RPA3: variants seen among roughly 807,000 people sequenced by gnomAD.
RPA3 encodes replication protein A3, also known as replication protein A 14 kDa subunit.
In RPA3, 24 loss-of-function variants were observed where a neutral mutation model predicts 13.7. The observed-to-expected ratio is 1.75, with a 90% CI of 1.27 to 2.46. The LOEUF is 2.46. RPA3 is among the 30% of genes most tolerant of loss of function. The pLI, the probability that RPA3 is intolerant of heterozygous loss-of-function variation, is 0.00. For missense variants in RPA3, 183 were observed against 151.0 expected (o/e 1.21, Z -1.11); for synonymous variants, 59 against 51.2 (o/e 1.15, Z -0.65).
intron 2 of RPA3, among the ~76,000 whole-genome samples, chr7:7,712,323 A>G (rs905287183): frequency 1.3e-5 from 2 of 152,112 alleles, no homozygotes; most frequent in South Asian, 2.1e-4. Flanking sequence ...TATATTTACA[A>G]TATTTAGTCT....
chr7:7,710,952 G>A (rs1301960743), intron 2 of RPA3, among the ~76,000 whole-genome samples: 1 of 152,176 alleles, frequency 6.6e-6, no homozygotes, highest in African/African-American at 2.4e-5. Flanking sequence ...GTAACGTACT[G>A]TATGACTTCA....
intron 4 of RPA3, among the ~76,000 whole-genome samples, chr7:7,683,413 G>A (rs1291541897): frequency 1.3e-5 from 2 of 152,042 alleles, no homozygotes; most frequent in African/African-American, 2.4e-5. Context: ...TCTAATAATT[G>A]TATGTCATCA....
At chr7:7,687,605 T>C (rs1428363634) in intron 2 of RPA3, among the ~76,000 whole-genome samples, 1 of 152,184 alleles carries the variant, frequency 6.6e-6, no homozygotes, top group Non-Finnish European at 1.5e-5. Context: ...CTGAAGTGTT[T>C]AAAGTGTGCA....
At chr7:7,668,111 G>C (rs1189318686) in intron 4 of RPA3, among the ~76,000 whole-genome samples, 1 of 151,560 alleles carries the variant, frequency 6.6e-6, no homozygotes, top group African/African-American at 2.4e-5. Flanking sequence ...ACACGATTTC[G>C]TCATGTTGCC....
intron 4 of RPA3, among the ~76,000 whole-genome samples, chr7:7,682,278 A>G (rs923963007): frequency 6.6e-6 from 1 of 152,154 alleles, no homozygotes; most frequent in Non-Finnish European, 1.5e-5. Flanking sequence ...AATACTTAAA[A>G]CACATTGAAA....
At chr7:7,688,617 G>A (rs1344664042) in intron 2 of RPA3, among the ~76,000 whole-genome samples, 1 of 152,126 alleles carries the variant, frequency 6.6e-6, no homozygotes, top group Non-Finnish European at 1.5e-5. Context: ...TTGATCTCAT[G>A]TTGTAAATCT....
At chr7:7,709,489 T>C (rs1281890156) in intron 2 of RPA3, among the ~76,000 whole-genome samples, 2 of 152,156 alleles carry the variant, frequency 1.3e-5, no homozygotes, top group African/African-American at 4.8e-5. Context: ...CAGAAGGAAC[T>C]GTGTGGAGAG....
chr7:7,677,826 A>G (rs1691810029), intron 4 of RPA3, among the ~76,000 whole-genome samples: 1 of 150,706 alleles, frequency 6.6e-6, no homozygotes, highest in South Asian at 2.1e-4. Flanking sequence ...GGCGCCCGCC[A>G]CTACGCCCGG....
At chr7:7,647,547 C>T (rs1209540716) in intron 4 of RPA3, among the ~76,000 whole-genome samples, 3 of 152,178 alleles carry the variant, frequency 2.0e-5, no homozygotes, top group African/African-American at 7.2e-5. Flanking sequence ...AAATATGTGA[C>T]ATAGCCTATA....
chr7:7,698,870 CT>C (rs57968079), intron 2 of RPA3, among the ~76,000 whole-genome samples: 3,072 of 131,908 alleles, frequency 0.023, 81 homozygotes, highest in African/African-American at 0.078. Flanking sequence ...ACCCTCTTGT[CT>C]TTTTTTTTTT....
chr7:7,675,937 G>A (rs902786885), intron 4 of RPA3, among the ~76,000 whole-genome samples: 1 of 152,158 alleles, frequency 6.6e-6, no homozygotes, highest in African/African-American at 2.4e-5. Flanking sequence ...CAGGTGCAAA[G>A]CTCCACCCCT....
At chr7:7,688,397 T>G (rs1489285396) in intron 2 of RPA3, among the ~76,000 whole-genome samples, 1 of 152,182 alleles carries the variant, frequency 6.6e-6, no homozygotes, top group Non-Finnish European at 1.5e-5. Context: ...AAAGGAAAAC[T>G]TACTTATAAT....
At chr7:7,678,368 T>G (rs1026013450) in intron 4 of RPA3, among the ~76,000 whole-genome samples, 2 of 148,930 alleles carry the variant, frequency 1.3e-5, no homozygotes, top group African/African-American at 4.9e-5. Flanking sequence ...ATATGCCTAT[T>G]GGTCATTTTG....
At chr7:7,676,054 T>G in intron 4 of RPA3, 1 of 398,566 alleles carries the variant, frequency 2.5e-6, no homozygotes. Flanking sequence ...TTACTTCCTC[T>G]GTCTTCGTTC....
intron 1 of RPA3, among the ~76,000 whole-genome samples, chr7:7,717,218 A>G (rs1013727147): frequency 6.6e-6 from 1 of 151,782 alleles, no homozygotes; most frequent in Non-Finnish European, 1.5e-5. Context: ...CACCACGCCC[A>G]GCTAATTTTC....
chr7:7,664,586 C>G (rs1183060416), intron 4 of RPA3, among the ~76,000 whole-genome samples: 4 of 152,180 alleles, frequency 2.6e-5, no homozygotes, highest in South Asian at 2.1e-4. Flanking sequence ...TCTATACCCA[C>G]TATGCTTTTT....
In RPA3 at chr7:7,671,444, C is replaced by T. The variant is rs908305574; in HGVS notation, c.-758+14386G>A. ...TTAGTCTACACTGAGGTTTTAATAT[C>T]AGCTATATACCCTTTATTTGATCCT... On this transcript the variant is annotated intron_variant, in intron 4 of 7. Transcript: ENST00000223129. Among the ~76,000 whole-genome samples the T allele has an allele frequency of 2.0e-5, 3 of 152,208 alleles. No individual in the cohort carries two copies. In the East Asian group the frequency reaches 5.8e-4, roughly 29 times the overall value.
intron 2 of RPA3, among the ~76,000 whole-genome samples, chr7:7,705,459 G>T (rs1194360654): frequency 2.6e-5 from 4 of 152,182 alleles, no homozygotes; most frequent in African/African-American, 7.2e-5. Context: ...TTGGGTCACT[G>T]CTCTGTACAG....
chr7:7,685,791 T>C (rs1010428557), intron 4 of RPA3, 39 bp downstream of exon 4: 1 of 152,254 alleles, frequency 6.6e-6, no homozygotes, highest in Non-Finnish European at 1.5e-5. Flanking sequence ...TTTAAGTGTT[T>C]TCTTCCTTCA....
Sources: allele counts gnomAD v4.1 joint callset (sites outside exome capture counted in the v4.1 genomes callset), GRCh38; gene constraint gnomAD v4.1.1; transcripts MANE v1.5; gene names NCBI Gene and HGNC (gene_info 2026-07-23, HGNC 2026-07-21).